The following CRB1 variants were observed in gnomAD, a reference collection of about 807,000 sequenced individuals.
The protein encoded by CRB1 is crumbs cell polarity complex component 1, also known as protein crumbs homolog 1.
CRB1 carries 83 observed loss-of-function variants against 120.0 expected under a neutral mutation model. The ratio of observed to expected loss-of-function variants is 0.69; its 90% confidence interval spans 0.58 to 0.83. CRB1 has a LOEUF of 0.83. CRB1 is among the 40% of genes least tolerant of loss of function. The probability of loss-of-function intolerance (pLI) is 0.00; values close to 1 mark genes in which losing one functional copy is unlikely to be tolerated. For missense variants in CRB1, 1,699 were observed against 1,687.6 expected (o/e 1.01, Z -0.12); for synonymous variants, 625 against 612.5 (o/e 1.02, Z -0.30).
intron 5 of CRB1, among the ~76,000 whole-genome samples, chr1:197,375,399 T>C (rs1430341652): frequency 6.6e-6 from 1 of 152,184 alleles, no homozygotes; most frequent in Admixed American, 6.5e-5. Context: ...TCTGTTTTCA[T>C]AGCAGGCAGT....
intron 5 of CRB1, among the ~76,000 whole-genome samples, chr1:197,366,645 A>C (rs1274320886): frequency 6.6e-6 from 1 of 152,226 alleles, no homozygotes; most frequent in Non-Finnish European, 1.5e-5. Context: ...GAGACCATGG[A>C]AGATGACAAA....
rs1658570333 is a variant in CRB1, at chr1:197,327,234, A to C, written c.71-1188A>C. Among the ~76,000 whole-genome samples, 3 of 152,130 alleles carry C rather than the reference A, an allele frequency of 2.0e-5. No individual in the cohort carries two copies. The South Asian group carries it at 6.2e-4, about 32-fold the overall frequency. On this transcript the variant is annotated intron_variant, in intron 1 of 11. Transcript: ENST00000367400. ...GCTGGTAAATCTCCTATGATTGCTA[A>C]ATAGAAAAGTCAATGAAAAGATTGA...
chr1:197,423,466 C>G (rs926168353), intron 6 of CRB1, among the ~76,000 whole-genome samples: 1 of 152,110 alleles, frequency 6.6e-6, no homozygotes, highest in Non-Finnish European at 1.5e-5. Flanking sequence ...TCTGTGAAAT[C>G]TTTTCTTTCT....
At chr1:197,287,161 A>G (rs1655875993) in intron 1 of CRB1, among the ~76,000 whole-genome samples, 1 of 151,932 alleles carries the variant, frequency 6.6e-6, no homozygotes, top group African/African-American at 2.4e-5. Context: ...ATAAAGTAAT[A>G]TGCTATATTT....
chr1:197,443,223 C>T (rs1258158217), intron 11 of CRB1: 1 of 151,266 alleles, frequency 6.6e-6, no homozygotes, highest in Non-Finnish European at 1.5e-5. Context: ...TACGTTTTCT[C>T]TGATATATGA....
At chr1:197,213,761 A>G in the CRB1 span, among the ~76,000 whole-genome samples, 1 of 152,242 alleles carries the variant, frequency 6.6e-6, no homozygotes, top group Non-Finnish European at 1.5e-5. Flanking sequence ...ATGAAGATTA[A>G]GCAACACACT....
At chr1:197,204,040 A>G in the CRB1 span, among the ~76,000 whole-genome samples, 2 of 152,130 alleles carry the variant, frequency 1.3e-5, no homozygotes, top group South Asian at 4.1e-4. Flanking sequence ...GTGAGAACAT[A>G]TGATATTTGG....
At chr1:197,355,348 G>A (rs534502240) in intron 4 of CRB1, among the ~76,000 whole-genome samples, 3 of 152,322 alleles carry the variant, frequency 2.0e-5, no homozygotes, top group East Asian at 1.9e-4. Flanking sequence ...TGGATCCCAC[G>A]CAGGGGCCGC....
At chr1:197,318,621 T>A (rs987899095) in intron 1 of CRB1, among the ~76,000 whole-genome samples, 1 of 152,156 alleles carries the variant, frequency 6.6e-6, no homozygotes, top group African/African-American at 2.4e-5. Context: ...AATTTTTAAA[T>A]GGATTTAAAA....
chr1:197,285,890 G>T (rs1471638056), intron 1 of CRB1, among the ~76,000 whole-genome samples: 1 of 151,924 alleles, frequency 6.6e-6, no homozygotes, highest in Non-Finnish European at 1.5e-5. Context: ...ACAATTACTA[G>T]TTAATTTATT....
chr1:197,233,410 G>A, the CRB1 span, among the ~76,000 whole-genome samples: 1 of 152,170 alleles, frequency 6.6e-6, no homozygotes, highest in African/African-American at 2.4e-5. Context: ...TAGAATGTAA[G>A]TGGCACTAAC....
intron 11 of CRB1, among the ~76,000 whole-genome samples, chr1:197,452,209 C>T (rs914927702): frequency 6.6e-6 from 1 of 152,086 alleles, no homozygotes; most frequent in Non-Finnish European, 1.5e-5. Flanking sequence ...TGTTCTAAGA[C>T]GACGAAGGAA....
the CRB1 span, chr1:197,222,168 G>A: frequency 2.4e-6 from 1 of 412,774 alleles, no homozygotes; most frequent in Non-Finnish European, 4.6e-6. Context: ...GTGCTTGCCT[G>A]TGTCCTGCCG....
At chr1:197,392,723 A>G (rs1278791836) in intron 5 of CRB1, among the ~76,000 whole-genome samples, 2 of 152,192 alleles carry the variant, frequency 1.3e-5, no homozygotes, top group Non-Finnish European at 2.9e-5. Context: ...AGAGCTTGTA[A>G]TAAAATACAA....
Position 197,435,614 on chromosome 1 carries a change from T to C in CRB1, c.3749+2T>C. 1.2e-6 allele frequency: 2 copies of C among 1,610,096 alleles called. No homozygotes were observed. The highest frequency in any genetic ancestry group is 1.3e-5 in the African/African-American group (1 of 74,954). On this transcript the variant is annotated splice_donor_variant, in intron 9 of 11. Transcript: ENST00000367400. LOFTEE classifies it high-confidence loss of function. The stretch of plus-strand genomic sequence containing the variant: ...AAATTTTACAGGAAAATTTTGCAGG[T>C]GAGCATAAAGTCCATATGAAGCTTG...
At chr1:197,332,093 T>C (rs777065194) in intron 2 of CRB1, among the ~76,000 whole-genome samples, 20 of 152,240 alleles carry the variant, frequency 1.3e-4, no homozygotes, top group South Asian at 6.2e-4. Context: ...TGAGCTGAGA[T>C]TGTGCCATTG....
At chr1:197,316,914 A>AAC (rs201783189) in intron 1 of CRB1, among the ~76,000 whole-genome samples, 8,535 of 151,588 alleles carry the variant, frequency 0.056, 311 homozygotes, top group East Asian at 0.075. Context: ...TGGCTACAAA[A>AAC]AAAAAAAACA....
intron 5 of CRB1, among the ~76,000 whole-genome samples, chr1:197,369,412 CA>C (rs748129425): frequency 6.6e-6 from 1 of 152,032 alleles, no homozygotes; most frequent in African/African-American, 2.4e-5. Context: ...CAGTCCCAAG[CA>C]ACCCAGTTGC....
At chr1:197,328,341 C>A in intron 1 of CRB1, 81 bp from the exon 2 acceptor site, 1 of 1,137,480 alleles carries the variant, frequency 8.8e-7, no homozygotes, top group Non-Finnish European at 1.3e-6. Flanking sequence ...TTGGTTGAGG[C>A]AGCACAAAGG....
Sources: allele counts gnomAD v4.1 joint callset (sites outside exome capture counted in the v4.1 genomes callset), GRCh38; gene constraint gnomAD v4.1.1; transcripts MANE v1.5; gene names NCBI Gene and HGNC (gene_info 2026-07-23, HGNC 2026-07-21).